Variants in ATF7IP2 observed in about 807,000 individuals in gnomAD.
ATF7IP2 encodes activating transcription factor 7-interacting protein 2.
ATF7IP2 carries 42 observed loss-of-function variants against 64.2 expected under a neutral mutation model. That is an observed-to-expected ratio of 0.65 (90% CI 0.51 to 0.85). ATF7IP2 has a LOEUF of 0.85. Ranked by LOEUF, ATF7IP2 falls within the 40% of genes least tolerant of loss-of-function variation. The probability of loss-of-function intolerance (pLI) is 0.00; values close to 1 mark genes in which losing one functional copy is unlikely to be tolerated. For missense variants in ATF7IP2, 933 were observed against 784.2 expected, an observed-to-expected ratio of 1.19 and a Z score of -2.27; for synonymous variants, 308 against 272.8, an observed-to-expected ratio of 1.13 and a Z score of -1.27.
intron 1 of ATF7IP2, among the ~76,000 whole-genome samples, chr16:10,395,174 T>A (rs1311647691): frequency 6.6e-6 from 1 of 151,834 alleles, no homozygotes; most frequent in African/African-American, 2.4e-5. Context: ...AAAAAAATTA[T>A]AAGGGAATAC....
At chr16:10,478,071 A>G (rs1177222900) in intron 12 of ATF7IP2, among the ~76,000 whole-genome samples, 1 of 151,504 alleles carries the variant, frequency 6.6e-6, no homozygotes, top group Non-Finnish European at 1.5e-5. Context: ...GAAAATGGAC[A>G]TACTGCCCAA....
chr16:10,431,472 GCAC>G lies in ATF7IP2; in HGVS notation c.835+19_835+21del. ...ATAACAACAGTAAGTATATACTTAT[GCAC>G]CTTTTAGAAAAATTAAAATAGTCAC... On this transcript the variant is annotated intron_variant, in intron 5 of 13. Coordinates refer to ENST00000562102, the MANE Select transcript of ATF7IP2 (RefSeq NM_001393719.1). The G allele has an allele frequency of 6.8e-7, 1 of 1,476,232 alleles. No homozygotes were observed. The highest frequency in any genetic ancestry group is 9.2e-7 in the Non-Finnish European group (1 of 1,089,924). The allele number at this position is 1,476,232 out of a possible 1,614,324, so 91.4% of individuals were successfully genotyped here.
intron 9 of ATF7IP2, among the ~76,000 whole-genome samples, chr16:10,465,744 C>T (rs1029036720): frequency 1.3e-5 from 2 of 149,514 alleles, no homozygotes; most frequent in Admixed American, 6.7e-5. Context: ...GGCCCAAAAA[C>T]AAAAAAGAGC....
At chr16:10,398,038 C>T (rs544344088) in intron 1 of ATF7IP2, among the ~76,000 whole-genome samples, 3 of 152,050 alleles carry the variant, frequency 2.0e-5, no homozygotes, top group Non-Finnish European at 4.4e-5. Context: ...GGCATGGTGG[C>T]TCAAGCTTGT....
At chr16:10,389,549 C>CA (rs1370464786) in intron 1 of ATF7IP2, among the ~76,000 whole-genome samples, 2 of 151,556 alleles carry the variant, frequency 1.3e-5, no homozygotes, top group South Asian at 2.1e-4. Flanking sequence ...AACCCACCTC[C>CA]AAAAAAAATA....
intron 13 of ATF7IP2, among the ~76,000 whole-genome samples, chr16:10,481,313 C>G (rs1012996457): frequency 1.3e-5 from 2 of 152,176 alleles, no homozygotes; most frequent in Non-Finnish European, 2.9e-5. Context: ...TCACTGCAAC[C>G]TCCACCTCCT....
rs546894331 is a variant in ATF7IP2, at chr16:10,422,669, CA to C, written c.-160+3049del. ...ATGAAATGTCTGTTCCTGTATCTAC[CA>C]AACTTTTAAATTTCTTTCCCTGAAC... On this transcript the variant is annotated intron_variant, in intron 3 of 13. Coordinates refer to ENST00000562102, the MANE Select transcript of ATF7IP2 (RefSeq NM_001393719.1). 3.6e-5 allele frequency among the ~76,000 whole-genome samples: 5 copies of C among 137,366 alleles called. No individual in the cohort carries two copies. In the South Asian group the frequency reaches 1.3e-3, roughly 35 times the overall value. 90.1% of individuals were successfully genotyped at this position (137,366 alleles called of 152,430 possible).
At chr16:10,410,134 T>G (rs1267352108) in intron 1 of ATF7IP2, among the ~76,000 whole-genome samples, 1 of 152,184 alleles carries the variant, frequency 6.6e-6, no homozygotes, top group Non-Finnish European at 1.5e-5. Flanking sequence ...TTGATGGGAA[T>G]TGCATTGAAT....
intron 9 of ATF7IP2, among the ~76,000 whole-genome samples, chr16:10,461,916 G>A (rs1401996755): frequency 1.3e-5 from 2 of 152,068 alleles, no homozygotes; most frequent in Non-Finnish European, 2.9e-5. Context: ...TCTGACTGAT[G>A]TGTGTGGATT....
intron 3 of ATF7IP2, among the ~76,000 whole-genome samples, chr16:10,425,681 G>A (rs2048070314): frequency 6.6e-6 from 1 of 152,062 alleles, no homozygotes; most frequent in African/African-American, 2.4e-5. Flanking sequence ...ATCACCTGAG[G>A]TTGGGAGTTT....
intron 8 of ATF7IP2, among the ~76,000 whole-genome samples, chr16:10,440,704 C>T (rs928608382): frequency 6.6e-6 from 1 of 152,130 alleles, no homozygotes; most frequent in Non-Finnish European, 1.5e-5. Flanking sequence ...CTTCCCCCAC[C>T]CCCATTTTAT....
chr16:10,437,715 G>A (rs1213650425), intron 6 of ATF7IP2, among the ~76,000 whole-genome samples: 1 of 152,106 alleles, frequency 6.6e-6, no homozygotes, highest in Non-Finnish European at 1.5e-5. Flanking sequence ...TCAGGTGCTG[G>A]TTTTCAGATA....
chr16:10,425,570 G>C (rs1044590315), intron 3 of ATF7IP2, among the ~76,000 whole-genome samples: 3 of 152,102 alleles, frequency 2.0e-5, no homozygotes, highest in African/African-American at 4.8e-5. Context: ...AAATATTTAT[G>C]TATTACAGGA....
intron 10 of ATF7IP2, among the ~76,000 whole-genome samples, chr16:10,472,476 C>G (rs1475615779): frequency 1.3e-5 from 2 of 151,926 alleles, no homozygotes; most frequent in African/African-American, 2.4e-5. Context: ...TTGCCCTGGC[C>G]TTTTTTTGAT....
At chr16:10,442,062 A>T (rs1416652616) in intron 8 of ATF7IP2, among the ~76,000 whole-genome samples, 1 of 152,196 alleles carries the variant, frequency 6.6e-6, no homozygotes, top group African/African-American at 2.4e-5. Flanking sequence ...CACAATCTAA[A>T]CTCATCCCAA....
intron 4 of ATF7IP2, among the ~76,000 whole-genome samples, chr16:10,430,311 G>C (rs2048201593): frequency 6.6e-6 from 1 of 152,132 alleles, no homozygotes; most frequent in Non-Finnish European, 1.5e-5. Flanking sequence ...TAAAAAAATA[G>C]TGAATGGTTA....
intron 9 of ATF7IP2, among the ~76,000 whole-genome samples, chr16:10,461,471 AAG>A (rs1275789175): frequency 6.6e-6 from 1 of 152,150 alleles, no homozygotes; most frequent in African/African-American, 2.4e-5. Flanking sequence ...ACAGTTGAAA[AAG>A]AAATTACCCT....
At chr16:10,420,811 A>G (rs535200486) in intron 3 of ATF7IP2, among the ~76,000 whole-genome samples, 11 of 152,348 alleles carry the variant, frequency 7.2e-5, no homozygotes, top group African/African-American at 1.2e-4. Flanking sequence ...CAATACCTCA[A>G]TTACAGCTAC....
At chr16:10,400,267 C>A (rs1308749316) in intron 1 of ATF7IP2, among the ~76,000 whole-genome samples, 1 of 152,170 alleles carries the variant, frequency 6.6e-6, no homozygotes, top group Non-Finnish European at 1.5e-5. Flanking sequence ...TCTTGAACTC[C>A]TGACCTCAGG....
Sources: gnomAD v4.1 joint callset for allele counts (sites outside exome capture counted in the v4.1 genomes callset) on GRCh38, gnomAD v4.1.1 for gene constraint, MANE v1.5 for transcripts, NCBI Gene and HGNC (gene_info 2026-07-23, HGNC 2026-07-21) for gene names.